The following BAHCC1 variants were observed in gnomAD, a reference collection of about 807,000 sequenced individuals.
BAHCC1 encodes BAH and coiled-coil domain-containing protein 1.
BAHCC1 carries 43 observed loss-of-function variants against 88.2 expected under a neutral mutation model. That is an observed-to-expected ratio of 0.49 (90% CI 0.38 to 0.63). The LOEUF is 0.63. BAHCC1 is among the 20% of genes least tolerant of loss of function. The pLI is 0.00. For synonymous variants in BAHCC1, 1,510 were observed against 745.5 expected, an observed-to-expected ratio of 2.03 and a Z score of -16.71; for missense variants, 3,023 against 1,654.8, an observed-to-expected ratio of 1.83 and a Z score of -14.34.
At chr17:81,456,687 T>C (rs1420156646) in intron 16 of BAHCC1, 102 bp downstream of exon 16, 5 of 620,090 alleles carry the variant, frequency 8.1e-6, no homozygotes, top group Non-Finnish European at 1.4e-5. Flanking sequence ...CAGGGCTGGG[T>C]CATGGCTTGT....
At chr17:81,398,507 C>G (rs375315173) in intron 1 of BAHCC1, among the ~76,000 whole-genome samples, 2 of 152,188 alleles carry the variant, frequency 1.3e-5, no homozygotes, top group African/African-American at 4.8e-5. Context: ...CTGCCCGGAG[C>G]GGAGACCGGC....
chr17:81,398,671 G>C (rs2063771056), intron 1 of BAHCC1, among the ~76,000 whole-genome samples: 1 of 152,268 alleles, frequency 6.6e-6, no homozygotes, highest in Admixed American at 6.5e-5. Context: ...ATTTGATTGG[G>C]GGGCGGGGTG....
chr17:81,401,217 C>T (rs1431304603), intron 2 of BAHCC1: 5 of 152,596 alleles, frequency 3.3e-5, no homozygotes, highest in Admixed American at 6.5e-5. Context: ...CTTGAAATTG[C>T]TTAATTGCTA....
intron 3 of BAHCC1, among the ~76,000 whole-genome samples, chr17:81,429,248 G>T (rs898887056): frequency 6.6e-6 from 1 of 152,206 alleles, no homozygotes; most frequent in Admixed American, 6.5e-5. Flanking sequence ...AGGCCCACCC[G>T]GGGCTGAGGA....
Position 81,411,723 on chromosome 17 carries a change from G to T in BAHCC1, c.178+11806G>T. 1 of 302,366 alleles carries T rather than the reference G, an allele frequency of 3.3e-6. No homozygotes were observed. The highest frequency in any genetic ancestry group is 6.5e-6 in the Non-Finnish European group (1 of 153,264). The allele number at this position is 302,366 out of a possible 1,614,324, so 18.7% of individuals were successfully genotyped here. On this transcript the variant is annotated intron_variant, in intron 2 of 27. Transcript: ENST00000675386. This position sits in a 1 kb window ranked among gnomAD's most constrained non-coding sequence, Gnocchi z 6.2. ...CTGCCCAGCCCACCCTGCCAGGGAGGCCTCAGCATAGTCCTTGAGCTCTGG... is the reference window on the plus strand; with the variant it reads ...CTGCCCAGCCCACCCTGCCAGGGAGTCCTCAGCATAGTCCTTGAGCTCTGG...
intron 3 of BAHCC1, among the ~76,000 whole-genome samples, chr17:81,428,124 G>A (rs1376538033): frequency 1.1e-4 from 17 of 152,186 alleles, no homozygotes; most frequent in Admixed American, 7.2e-4. Flanking sequence ...TGGGGTCCTC[G>A]GTCCAGACTC....
At chr17:81,462,238 G>A (rs1163307894) in intron 26 of BAHCC1, among the ~76,000 whole-genome samples, 192 bp downstream of exon 26, 3 of 152,236 alleles carry the variant, frequency 2.0e-5, no homozygotes, top group African/African-American at 2.4e-5. Flanking sequence ...CTGGCCCCTC[G>A]CTGGAGCCCG....
intron 9 of BAHCC1, 46 bp downstream of exon 9, chr17:81,445,224 A>C (rs782262657): frequency 2.7e-6 from 2 of 731,556 alleles, no homozygotes; most frequent in Non-Finnish European, 5.1e-6. Context: ...CTTCTCCCCA[A>C]CCCTGCCTGG....
chr17:81,450,085 C>A (rs182660025), intron 11 of BAHCC1, among the ~76,000 whole-genome samples: 5 of 152,254 alleles, frequency 3.3e-5, no homozygotes, highest in African/African-American at 1.2e-4. Flanking sequence ...TTAAGTGGAG[C>A]GTGGGGTTCT....
intron 2 of BAHCC1, among the ~76,000 whole-genome samples, chr17:81,414,969 G>T (rs895096459): frequency 6.6e-6 from 1 of 152,136 alleles, no homozygotes; most frequent in Admixed American, 6.5e-5. Context: ...TACTATCCTC[G>T]CCAGCAGCTG....
intron 2 of BAHCC1, among the ~76,000 whole-genome samples, chr17:81,416,387 G>A (rs1325777578): frequency 1.4e-5 from 2 of 140,878 alleles, no homozygotes; most frequent in East Asian, 4.5e-4. Flanking sequence ...CATGAGGATG[G>A]GTGTATGCGC....
intron 2 of BAHCC1, among the ~76,000 whole-genome samples, chr17:81,426,504 G>A (rs917665991): frequency 3.3e-5 from 5 of 151,374 alleles, no homozygotes; most frequent in Admixed American, 6.6e-5. Flanking sequence ...TCGTGGTGGT[G>A]GTGGTGGTGA....
At position 81,444,558 on chromosome 17, in the gene BAHCC1, G is replaced by C. The variant is rs781919297; in HGVS notation, c.2502G>C (p.Gly834=). Residue 834 remains glycine, a synonymous_variant, in exon 7 of 28, where the codon GGG becomes GGC. Transcript: ENST00000675386. ...RTRSPSLWMG[G]HSYGLGHPAL... ...GCAGCCCCTCCCTGTGGATGGGGGG[G>C]CACTCCTACGGTCAGTGATCCAAGG... 5 of 723,754 alleles carry C rather than the reference G, an allele frequency of 6.9e-6. No homozygotes were observed. Among genetic ancestry groups the C allele is most frequent in the Non-Finnish European group, 1.3e-5 (5 of 396,252 alleles). 44.8% of individuals were successfully genotyped at this position (723,754 alleles called of 1,614,324 possible).
chr17:81,427,436 A>C (rs2064213525), intron 3 of BAHCC1, among the ~76,000 whole-genome samples: 1 of 152,170 alleles, frequency 6.6e-6, no homozygotes, highest in Admixed American at 6.5e-5. Context: ...GGCCTGTCCC[A>C]GGACAAAGAG....
intron 26 of BAHCC1, 46 bp downstream of exon 26, chr17:81,462,092 C>A: frequency 2.9e-6 from 2 of 695,644 alleles, no homozygotes; most frequent in Non-Finnish European, 5.3e-6. Flanking sequence ...CCCAAGGAAA[C>A]CGGGGCGGGC....
chr17:81,450,694 A>T (rs547754585), intron 11 of BAHCC1, among the ~76,000 whole-genome samples: 2 of 152,274 alleles, frequency 1.3e-5, no homozygotes, highest in African/African-American at 2.4e-5. Flanking sequence ...GGATGGAGGA[A>T]TGGTGGCTGC....
At chr17:81,438,531 C>T (rs376410928) in intron 4 of BAHCC1, 39 bp downstream of exon 4, 39 of 744,978 alleles carry the variant, frequency 5.2e-5, no homozygotes, top group Non-Finnish European at 8.5e-5. Context: ...AGCAGGCATG[C>T]TGGAGGTGGG....
chr17:81,418,348 GC>G (rs1178617312), intron 2 of BAHCC1, among the ~76,000 whole-genome samples: 1 of 152,190 alleles, frequency 6.6e-6, no homozygotes, highest in Non-Finnish European at 1.5e-5. Context: ...CCTGTTGGCT[GC>G]CCGCCAGAAT....
intron 11 of BAHCC1, among the ~76,000 whole-genome samples, chr17:81,450,240 G>C (rs1418776010): frequency 6.6e-6 from 1 of 151,988 alleles, no homozygotes; most frequent in African/African-American, 2.4e-5. Flanking sequence ...CACCCCCACC[G>C]CAAGGTGTCT....
Sources: gnomAD v4.1 joint callset for allele counts (sites outside exome capture counted in the v4.1 genomes callset) on GRCh38, gnomAD v4.1.1 for gene constraint, Gnocchi (gnomAD v3.1) non-coding constraint, MANE v1.5 for transcripts, NCBI Gene and HGNC (gene_info 2026-07-23, HGNC 2026-07-21) for gene names.